SMARCA5: variants seen among roughly 807,000 people sequenced by gnomAD.
SMARCA5 encodes SWI/SNF-related matrix-associated actin-dependent regulator of chromatin subfamily A member 5.
Under a neutral mutation model 140.4 loss-of-function variants are expected in SMARCA5, and 18 were observed. The ratio of observed to expected loss-of-function variants is 0.13; its 90% CI spans 0.09 to 0.19. The LOEUF is 0.19. SMARCA5 is among the 10% of genes least tolerant of loss of function. The pLI is 1.00. For missense variants in SMARCA5, 606 were observed against 1,276.8 expected (o/e 0.47, Z 8.01); for synonymous variants, 449 against 419.6 (o/e 1.07, Z -0.86).
In SMARCA5 at chr4:143,546,915, CT is replaced by C. The variant is rs753311747; in HGVS notation, c.2653+11del. On this transcript the variant is annotated splice_region_variant and intron_variant, in intron 20 of 23. Transcript: ENST00000283131. ...GAAGTCATTGAATATTCAGGTAATT[CT>C]TTTAAGCAGGCTGTTGGAGTTTAGT... is the stretch of plus-strand genomic sequence containing the variant. 6.2e-7 allele frequency: 1 copy of C among 1,611,412 alleles called. No homozygotes were observed. The highest frequency in any genetic ancestry group is 8.5e-7 in the Non-Finnish European group (1 of 1,178,488).
intron 22 of SMARCA5, among the ~76,000 whole-genome samples, chr4:143,548,714 A>G (rs6828893): frequency 0.99 from 151,151 of 152,178 alleles, 75,076 homozygotes; most frequent in Middle Eastern, 1. Context: ...TTTCACCACC[A>G]TTGAACTTTG....
intron 2 of SMARCA5, among the ~76,000 whole-genome samples, chr4:143,519,665 T>G (rs1736915326): frequency 6.6e-6 from 1 of 152,172 alleles, no homozygotes; most frequent in African/African-American, 2.4e-5. Flanking sequence ...CATCTGCTAG[T>G]TCTAACCATA....
Position 143,547,118 on chromosome 4 carries a change from C to A in SMARCA5, c.2653+210C>A, listed in dbSNP as rs371941961. On this transcript the variant is annotated intron_variant, in intron 20 of 23. Transcript: ENST00000283131. ...ATTTTTTAACCCTAGCTAACTCTAG[C>A]GACAGCAAAGAAAATCAGAATAAGT... Among the ~76,000 whole-genome samples, 15 of 152,168 alleles carry A rather than the reference C, an allele frequency of 9.9e-5. No individual in the cohort carries two copies. The East Asian group carries it at 2.3e-3, about 23-fold the overall frequency.
At position 143,547,420 on chromosome 4, in the gene SMARCA5, A is replaced by G. The variant is rs777256031; in HGVS notation, c.2689A>G (p.Ile897Val). 5.0e-6 allele frequency: 8 copies of G among 1,609,256 alleles called. No homozygotes were observed. The highest frequency in any genetic ancestry group is 2.7e-5 in the African/African-American group (2 of 74,774). Reference sequence around the variant, plus strand: ...GGAAAGGTGCAACGAGCTCCAGGACATAGAGAAGATTATGGCTCAGATTGA... The same window carrying G: ...GGAAAGGTGCAACGAGCTCCAGGACGTAGAGAAGATTATGGCTCAGATTGA... ...FWERCNELQD[I>V]EKIMAQIERG... The change falls in exon 21 of 24, where the codon ATA becomes GTA. Residue 897 changes from isoleucine (I) to valine (V), a missense_variant. By Grantham distance (29) the Ile-to-Val change is conservative. Transcript: ENST00000283131.
At chr4:143,547,274 G>C in intron 20 of SMARCA5, 111 bp from the exon 21 acceptor site, 1 of 642,238 alleles carries the variant, frequency 1.6e-6, no homozygotes, top group Non-Finnish European at 2.8e-6. Flanking sequence ...AGTCTGCTTA[G>C]AATAGCAGAA....
chr4:143,518,599 TTAAA>T (rs1736891186), intron 2 of SMARCA5, among the ~76,000 whole-genome samples: 1 of 152,142 alleles, frequency 6.6e-6, no homozygotes, highest in Non-Finnish European at 1.5e-5. Flanking sequence ...TTTGAATGTC[TTAAA>T]TAGCTTCAAA....
chr4:143,518,824 A>C (rs147527133), intron 2 of SMARCA5, among the ~76,000 whole-genome samples: 2 of 152,074 alleles, frequency 1.3e-5, no homozygotes, highest in Admixed American at 6.6e-5. Flanking sequence ...CTTTGAATAC[A>C]GTCTACATAT....
chr4:143,528,849 A>T, intron 8 of SMARCA5, 135 bp downstream of exon 8: 4 of 678,496 alleles, frequency 5.9e-6, no homozygotes, highest in Non-Finnish European at 9.2e-6. Flanking sequence ...TTACATAGTT[A>T]GCCTGGTGTT....
chr4:143,532,991 C>T, intron 9 of SMARCA5, among the ~76,000 whole-genome samples: 1 of 152,112 alleles, frequency 6.6e-6, no homozygotes, highest in South Asian at 2.1e-4. Context: ...ATTTTTCCCA[C>T]TAATGTCTAA....
At chr4:143,547,004 CA>C in intron 20 of SMARCA5, 96 bp downstream of exon 20, 1 of 1,194,994 alleles carries the variant, frequency 8.4e-7, no homozygotes, top group South Asian at 1.6e-5. Flanking sequence ...CTAATTTTGT[CA>C]CAGTGTAGTT....
At chr4:143,514,545 A>T (rs1399640062) in intron 1 of SMARCA5, 1 of 158,052 alleles carries the variant, frequency 6.3e-6, no homozygotes, top group Non-Finnish European at 1.4e-5. Context: ...GGCATTTAAA[A>T]GCAGCGCGTC....
In SMARCA5 at chr4:143,543,665, G is replaced by A. The variant is rs761538805; in HGVS notation, c.2052+8G>A. 13 of 1,605,860 alleles carry A rather than the reference G, an allele frequency of 8.1e-6. No homozygotes were observed. In the South Asian group the frequency reaches 1.4e-4, roughly 18 times the overall value. ...GAAAGAGGTGCAAAGAAGGTGAGAT[G>A]TAGATTAAATAATGCTTTTAATATA... On this transcript the variant is annotated splice_region_variant and intron_variant, in intron 15 of 23. Transcript: ENST00000283131.
Position 143,555,989 on chromosome 4 carries a change from G to A in SMARCA5, c.*2805G>A, listed in dbSNP as rs1324240774. On this transcript the variant is annotated 3_prime_UTR_variant, in exon 24 of 24. Coordinates refer to ENST00000283131, the MANE Select transcript of SMARCA5 (RefSeq NM_003601.4). ...CTACACCACACCTGGCCTACATTTT[G>A]TTTTTCATAAAGTTGAGAGAAGCAA... is the stretch of plus-strand genomic sequence containing the variant. 2.0e-5 allele frequency: 3 copies of A among 152,104 alleles called. No homozygotes were observed. In the East Asian group the frequency reaches 5.8e-4, roughly 29 times the overall value. 9.4% of individuals were successfully genotyped at this position (152,104 alleles called of 1,614,324 possible).
In SMARCA5 at chr4:143,555,016, A is replaced by G. The variant is rs563162170; in HGVS notation, c.*1832A>G. 9 of 505,964 alleles carry G rather than the reference A, an allele frequency of 1.8e-5. No individual in the cohort carries two copies. Among genetic ancestry groups the G allele is most frequent in the Non-Finnish European group, 3.0e-5 (8 of 263,894 alleles). The allele number at this position is 505,964 out of a possible 1,614,324, so 31.3% of individuals were successfully genotyped here. A position where few individuals can be genotyped will look rare whatever the true frequency, so the allele number is the denominator to read the frequency against. On this transcript the variant is annotated 3_prime_UTR_variant, in exon 24 of 24. Transcript: ENST00000283131. ...TGGCCAAGTTCACAAATCTGTTTTA[A>G]CCTGTCACTTCCCTGTCACTTCTCT...
intron 2 of SMARCA5, among the ~76,000 whole-genome samples, chr4:143,517,874 A>G (rs903501280): frequency 1.3e-5 from 2 of 152,224 alleles, no homozygotes; most frequent in Non-Finnish European, 2.9e-5. Flanking sequence ...TAATTATGGC[A>G]CAGATATCCA....
At chr4:143,529,314 G>T (rs1019857536) in intron 8 of SMARCA5, among the ~76,000 whole-genome samples, 2 of 152,160 alleles carry the variant, frequency 1.3e-5, no homozygotes, top group African/African-American at 4.8e-5. Flanking sequence ...AGGTTGGCCT[G>T]ACTTTGTTTC....
rs1223562668 is a variant in SMARCA5 at position 143,549,867 on chromosome 4, GT to G, written c.2986-120del. 1,404 of 479,938 alleles carry G rather than the reference GT, an allele frequency of 2.9e-3. 1 individual carries two copies. The highest frequency in any genetic ancestry group is 6.4e-3 in the African/African-American group (300 of 46,894). The allele number at this position is 479,938 out of a possible 1,614,324, so 29.7% of individuals were successfully genotyped here. On this transcript the variant is annotated intron_variant, in intron 22 of 23. Coordinates refer to ENST00000283131, the MANE Select transcript of SMARCA5 (RefSeq NM_003601.4). ...CATGAATTGTATATGAAAATCAGTT[GT>G]TTTTTTTTTAAATCAGGGGTGTATT...
chr4:143,533,122 A>G (rs1737232829), intron 9 of SMARCA5, among the ~76,000 whole-genome samples: 1 of 152,224 alleles, frequency 6.6e-6, no homozygotes, highest in African/African-American at 2.4e-5. Flanking sequence ...AAATGAGTGA[A>G]CTACTACTAC....
At chr4:143,548,166 A>G in intron 22 of SMARCA5, 26 bp downstream of exon 22, 1 of 1,388,258 alleles carries the variant, frequency 7.2e-7, no homozygotes, top group East Asian at 2.3e-5. Flanking sequence ...TTTTTTGTGT[A>G]ATGTAGCAGA....
Sources: allele counts gnomAD v4.1 joint callset (sites outside exome capture counted in the v4.1 genomes callset), GRCh38; gene constraint gnomAD v4.1.1; transcripts MANE v1.5; gene names NCBI Gene and HGNC (gene_info 2026-07-23, HGNC 2026-07-21).